The following ANO1 variants were observed in gnomAD, a reference collection of about 807,000 sequenced individuals.
The protein encoded by ANO1 is anoctamin 1, also known as anoctamin-1.
ANO1 carries 59 observed loss-of-function variants against 124.0 expected under a neutral mutation model. That is an observed-to-expected ratio of 0.48 (90% confidence interval 0.39 to 0.59). The LOEUF (loss-of-function observed/expected upper bound fraction) is 0.59, where lower values mean the gene tolerates loss of function less well. Among genes scored for constraint, ANO1 ranks in the 20% least tolerant of loss-of-function variants. ANO1 has a pLI of 0.00. For synonymous variants in ANO1, 529 were observed against 532.0 expected (o/e 0.99, Z 0.08); for missense variants, 1,059 against 1,328.0 (o/e 0.80, Z 3.15).
chr11:69,979,244 TC>T, the ANO1 span, among the ~76,000 whole-genome samples: 20 of 152,206 alleles, frequency 1.3e-4, no homozygotes, highest in Non-Finnish European at 2.5e-4. Context: ...TCCATACCCT[TC>T]TTTTTGCTCC....
At chr11:70,186,058 G>A (rs2135863413) in intron 25 of ANO1, among the ~76,000 whole-genome samples, 1 of 152,252 alleles carries the variant, frequency 6.6e-6, no homozygotes, top group African/African-American at 2.4e-5. Context: ...GACCGAGGCA[G>A]GTGGATCACC....
At chr11:70,003,855 C>A (rs1361891967) in intron 1 of ANO1, among the ~76,000 whole-genome samples, 2 of 152,148 alleles carry the variant, frequency 1.3e-5, no homozygotes, top group Non-Finnish European at 2.9e-5. Flanking sequence ...GGATGGCTAC[C>A]TGTGGACACC....
At chr11:70,087,563 G>A (rs1003671133) in intron 1 of ANO1, among the ~76,000 whole-genome samples, 189 bp from the exon 2 acceptor site, 1 of 152,186 alleles carries the variant, frequency 6.6e-6, no homozygotes, top group African/African-American at 2.4e-5. Context: ...CTCCCTGAAG[G>A]CAGGGTCTTC....
chr11:70,156,009 C>T, intron 15 of ANO1, 21 bp downstream of exon 15: 2 of 1,503,734 alleles, frequency 1.3e-6, no homozygotes, highest in East Asian at 2.6e-5. Flanking sequence ...ATTTTGCGGG[C>T]AGCGCGCGTC....
intron 1 of ANO1, among the ~76,000 whole-genome samples, chr11:69,993,591 C>T (rs879952141): frequency 5.3e-5 from 8 of 152,198 alleles, no homozygotes; most frequent in Non-Finnish European, 1.0e-4. Flanking sequence ...CCCCAGCCTC[C>T]ATCCCTTATT....
At chr11:70,181,480 G>A (rs1197740799) in intron 23 of ANO1, among the ~76,000 whole-genome samples, 4 of 152,238 alleles carry the variant, frequency 2.6e-5, no homozygotes, top group African/African-American at 4.8e-5. Flanking sequence ...CCCTTATCCC[G>A]CCCAGACAAA....
chr11:69,975,402 G>C, the ANO1 span, among the ~76,000 whole-genome samples: 5 of 152,200 alleles, frequency 3.3e-5, no homozygotes, highest in African/African-American at 1.2e-4. Context: ...AGAGCTGCCC[G>C]TGGACCCACT....
intron 22 of ANO1, among the ~76,000 whole-genome samples, chr11:70,176,034 T>C (rs919573094): frequency 6.6e-6 from 1 of 152,146 alleles, no homozygotes; most frequent in Admixed American, 6.5e-5. Flanking sequence ...GTGGTACAGC[T>C]TGGTTTTATA....
rs114117738 is a variant in ANO1 at position 70,093,787 on chromosome 11, G to A, written c.441+5703G>A. On this transcript the variant is annotated intron_variant, in intron 2 of 25. Transcript: ENST00000355303. ...CTGCTTTTGAAAAGCAAGTGAGGGC[G>A]GACTCCATGGGAGAAGGGCTGCTTT... is the stretch of plus-strand genomic sequence containing the variant. 8.1e-3 allele frequency among the ~76,000 whole-genome samples: 1,228 copies of A among 152,336 alleles called. 10 individuals carry two copies. Among genetic ancestry groups the A allele is most frequent in the African/African-American group, 0.027 (1,116 of 41,582 alleles).
At position 70,005,112 on chromosome 11, in the gene ANO1, C is replaced by CAAAAA. The variant is rs3078420; in HGVS notation, c.58+18958_58+18962dup. 2.8e-3 allele frequency among the ~76,000 whole-genome samples: 381 copies of CAAAAA among 134,794 alleles called. 13 individuals are homozygous for CAAAAA. The highest frequency in any genetic ancestry group is 5.0e-3 in the Admixed American group (65 of 12,958). The allele number at this position is 134,794 out of a possible 152,430, so 88.4% of individuals were successfully genotyped here. ...TGGGTGACAGAGCGAGATTCCAACT[C>CAAAAA]AAAAAAAAAAAAAAAATTGGTGACA... On this transcript the variant is annotated intron_variant, in intron 1 of 27. Transcript: ENST00000531349.
chr11:70,003,220 C>T (rs1216836977), intron 1 of ANO1, among the ~76,000 whole-genome samples: 8 of 152,146 alleles, frequency 5.3e-5, no homozygotes, highest in Non-Finnish European at 1.0e-4. Flanking sequence ...CAACTTACCA[C>T]CAAAATGGCT....
At chr11:70,082,153 G>A (rs892275019) in intron 1 of ANO1, among the ~76,000 whole-genome samples, 3 of 152,218 alleles carry the variant, frequency 2.0e-5, no homozygotes, top group African/African-American at 7.2e-5. Context: ...CCTTGGATCT[G>A]ATGGCCACAG....
chr11:70,122,188 TTTCTGTCTCTCCATCTGC>T (rs2046316256), intron 8 of ANO1, among the ~76,000 whole-genome samples: 1 of 130,184 alleles, frequency 7.7e-6, no homozygotes, highest in Admixed American at 7.6e-5. Flanking sequence ...TCTGTCTGTC[TTTCTGTCTCTCCATCTGC>T]CTCTGTCTCT....
chr11:70,004,352 A>G (rs1311884014), intron 1 of ANO1, among the ~76,000 whole-genome samples: 1 of 152,248 alleles, frequency 6.6e-6, no homozygotes, highest in Non-Finnish European at 1.5e-5. Context: ...ACAATGGCTA[A>G]TATTTGCTGT....
At chr11:70,147,246 C>G (rs1474320800) in intron 11 of ANO1, among the ~76,000 whole-genome samples, 1 of 152,234 alleles carries the variant, frequency 6.6e-6, no homozygotes, top group Non-Finnish European at 1.5e-5. Flanking sequence ...GCAGACCAGG[C>G]AGAGACCAGG....
intron 5 of ANO1, among the ~76,000 whole-genome samples, chr11:70,106,248 G>C (rs1335827321): frequency 1.3e-5 from 2 of 152,178 alleles, no homozygotes; most frequent in African/African-American, 4.8e-5. Flanking sequence ...AGCCAACTGA[G>C]GTTTGAAATC....
chr11:70,123,243 C>T (rs528342089), intron 8 of ANO1, among the ~76,000 whole-genome samples: 5 of 152,152 alleles, frequency 3.3e-5, no homozygotes, highest in African/African-American at 9.6e-5. Context: ...CTGGTGGTTT[C>T]GGGGGGCTGT....
At position 70,168,633 on chromosome 11, in the gene ANO1, AG is replaced by A. The variant is rs150488343; in HGVS notation, c.2197+1253del. 6.8e-3 allele frequency among the ~76,000 whole-genome samples: 1,035 copies of A among 152,192 alleles called. 12 individuals carry two copies. The highest frequency in any genetic ancestry group is 0.024 in the African/African-American group (1,003 of 41,504). On this transcript the variant is annotated intron_variant, in intron 21 of 25. Transcript: ENST00000355303. ...AAGGCAGTCAGGAAGACTCCTGCAG[AG>A]GGGGGGTCCCAGCATGCAGTGCCCT...
At chr11:70,104,809 C>G (rs61887671) in intron 4 of ANO1, among the ~76,000 whole-genome samples, 19,635 of 152,068 alleles carry the variant, frequency 0.13, 1,695 homozygotes, top group Admixed American at 0.22. Context: ...CAGGAGGGCT[C>G]CTGGACAGTG....
Sources: gnomAD v4.1 joint callset for allele counts (sites outside exome capture counted in the v4.1 genomes callset) on GRCh38, gnomAD v4.1.1 for gene constraint, MANE v1.5 for transcripts, NCBI Gene and HGNC (gene_info 2026-07-23, HGNC 2026-07-21) for gene names.